Variants in SLC23A2 observed in about 807,000 individuals in gnomAD.
SLC23A2 encodes Na(+)/L-ascorbic acid transporter 2.
Under a neutral mutation model 73.3 loss-of-function variants are expected in SLC23A2, and 36 were observed. That is an observed-to-expected ratio of 0.49 (90% CI 0.38 to 0.65). The LOEUF is 0.65. SLC23A2 is among the 30% of genes least tolerant of loss of function. The probability of loss-of-function intolerance (pLI) is 0.00; values close to 1 mark genes in which losing one functional copy is unlikely to be tolerated. For missense variants in SLC23A2, 507 were observed against 841.6 expected, an observed-to-expected ratio of 0.60 and a Z score of 4.92; for synonymous variants, 343 against 327.3, an observed-to-expected ratio of 1.05 and a Z score of -0.52.
At chr20:4,869,665 A>T (rs1930360259) in intron 12 of SLC23A2, 1 of 462,842 alleles carries the variant, frequency 2.2e-6, no homozygotes, top group Non-Finnish European at 3.8e-6. Flanking sequence ...ACTGCAATTA[A>T]GGAAGGGTAG....
intron 2 of SLC23A2, among the ~76,000 whole-genome samples, chr20:4,939,488 C>G (rs548732193): frequency 6.6e-6 from 1 of 152,360 alleles, no homozygotes; most frequent in African/African-American, 2.4e-5. Flanking sequence ...CCTACAATTA[C>G]ATAGCGAGTT....
rs568864522 is a variant in SLC23A2, at chr20:4,990,701, GC to G, written c.-282+10704del. On this transcript the variant is annotated intron_variant, in intron 1 of 16. Transcript: ENST00000338244. ...TCTCTTATCTTATTATAAAAACAAG[GC>G]CGGGCACAGTGGCTCACGCCTGTAA... 1.2e-3 allele frequency among the ~76,000 whole-genome samples: 187 copies of G among 150,128 alleles called. 1 individual carries two copies. The highest frequency in any genetic ancestry group is 2.1e-3 in the Non-Finnish European group (141 of 67,532).
chr20:4,980,523 T>C (rs897357729), intron 1 of SLC23A2, among the ~76,000 whole-genome samples: 1 of 151,996 alleles, frequency 6.6e-6, no homozygotes, highest in African/African-American at 2.4e-5. Flanking sequence ...CACATTTTAC[T>C]TTCTTTTTCT....
chr20:4,945,234 TA>T (rs1391943771), intron 2 of SLC23A2, among the ~76,000 whole-genome samples: 2 of 149,986 alleles, frequency 1.3e-5, no homozygotes, highest in Admixed American at 6.7e-5. Context: ...TGACTGAATT[TA>T]AAAAAAAAAT....
At chr20:4,935,289 T>C (rs563299812) in intron 2 of SLC23A2, among the ~76,000 whole-genome samples, 2 of 150,674 alleles carry the variant, frequency 1.3e-5, no homozygotes, top group Non-Finnish European at 3.0e-5. Context: ...CAGTAAAAAC[T>C]GGAGGAAAAA....
At chr20:5,005,290 T>G (rs1327328619), upstream of SLC23A2, among the ~76,000 whole-genome samples, 2 of 152,018 alleles carry the variant, frequency 1.3e-5, no homozygotes. Flanking sequence ...TAATTATTTT[T>G]ACCATTATCA....
intron 2 of SLC23A2, among the ~76,000 whole-genome samples, chr20:4,960,579 TTAAG>T (rs913751066): frequency 5.3e-5 from 8 of 152,246 alleles, no homozygotes; most frequent in African/African-American, 9.6e-5. Context: ...TCCAGAGTGA[TTAAG>T]TAGGTTGTAG....
At position 4,874,636 on chromosome 20, in the gene SLC23A2, C is replaced by G; in HGVS notation, c.885G>C (p.Pro295=). ...TCCATCCTTTCTTGGATTTATAAAT[C>G]GGGAGAGGAAATTTAACATTTCTGG... ...QYARNVKFPL[P]IYKSKKGWTA... Residue 295 remains proline (P), a synonymous_variant, in exon 10 of 17, where the codon CCG becomes CCC. Coordinates refer to ENST00000338244, the MANE Select transcript of SLC23A2 (RefSeq NM_005116.6). 6.2e-7 allele frequency: 1 copy of G among 1,612,038 alleles called. No homozygotes were observed. Among genetic ancestry groups the G allele is most frequent in the Non-Finnish European group, 8.5e-7 (1 of 1,178,660 alleles).
chr20:5,006,403 G>T (rs1257427562), upstream of SLC23A2, among the ~76,000 whole-genome samples: 1 of 151,686 alleles, frequency 6.6e-6, no homozygotes, highest in East Asian at 2.0e-4. Context: ...CAGTCATATT[G>T]AGCATAATAT....
chr20:4,956,066 T>G (rs1417322496), intron 2 of SLC23A2, among the ~76,000 whole-genome samples: 1 of 152,220 alleles, frequency 6.6e-6, no homozygotes, highest in Admixed American at 6.5e-5. Flanking sequence ...AAATGCTAAA[T>G]ATGGACAAAT....
intron 15 of SLC23A2, among the ~76,000 whole-genome samples, chr20:4,860,201 T>C (rs1178517390): frequency 6.6e-6 from 1 of 152,214 alleles, no homozygotes; most frequent in Non-Finnish European, 1.5e-5. Flanking sequence ...GTTTGTGAAA[T>C]TGCCCATACA....
chr20:4,931,067 A>AG (rs1491267030), intron 3 of SLC23A2, among the ~76,000 whole-genome samples: 46 of 111,102 alleles, frequency 4.1e-4, no homozygotes, highest in African/African-American at 1.8e-3. Flanking sequence ...TATTTTTTTA[A>AG]GAAAAAAAAA....
chr20:4,908,963 G>A (rs1715387), intron 4 of SLC23A2, among the ~76,000 whole-genome samples: 1 of 152,132 alleles, frequency 6.6e-6, no homozygotes, highest in African/African-American at 2.4e-5. Flanking sequence ...ATAAAACAAA[G>A]AGAATGTCTT....
At chr20:4,934,735 C>T (rs947998955) in intron 2 of SLC23A2, among the ~76,000 whole-genome samples, 13 of 151,910 alleles carry the variant, frequency 8.6e-5, no homozygotes, top group Admixed American at 5.9e-4. Flanking sequence ...TGGTGGCAGG[C>T]GCCTGTAATC....
intron 13 of SLC23A2, among the ~76,000 whole-genome samples, chr20:4,865,291 T>C (rs984224452): frequency 3.3e-5 from 5 of 152,132 alleles, no homozygotes; most frequent in Admixed American, 1.3e-4. Context: ...GCCAGCGAGA[T>C]AGTACTTGCT....
Position 4,874,707 on chromosome 20 carries a change from A to G in SLC23A2, c.825-11T>C. 1 of 1,574,780 alleles carries G rather than the reference A, an allele frequency of 6.4e-7. No homozygotes were observed. Among genetic ancestry groups the G allele is most frequent in the Non-Finnish European group, 8.6e-7 (1 of 1,160,094 alleles). Reference sequence around the variant, plus strand: ...ACTAGGAATATTGTCCTGAGGAGAGAAAGAAAACAAACTAGGTCAAAAGCT... The same window carrying G: ...ACTAGGAATATTGTCCTGAGGAGAGGAAGAAAACAAACTAGGTCAAAAGCT... On this transcript the variant is annotated splice_polypyrimidine_tract_variant and intron_variant, in intron 9 of 16. Coordinates refer to ENST00000338244, the MANE Select transcript of SLC23A2 (RefSeq NM_005116.6).
upstream of SLC23A2, among the ~76,000 whole-genome samples, chr20:5,003,466 G>A (rs769142856): frequency 6.6e-6 from 1 of 151,168 alleles, no homozygotes; most frequent in Non-Finnish European, 1.5e-5. Context: ...GCATTGCCCC[G>A]TAACCATCAT....
intron 1 of SLC23A2, among the ~76,000 whole-genome samples, chr20:4,977,470 C>T (rs1406413313): frequency 6.6e-6 from 1 of 151,846 alleles, no homozygotes; most frequent in Non-Finnish European, 1.5e-5. Flanking sequence ...GGGCAGATCA[C>T]GAGGTCAGGA....
chr20:4,859,489 CAGGAA>C (rs1438822734), intron 15 of SLC23A2, 105 bp from the exon 16 acceptor site: 6 of 764,056 alleles, frequency 7.9e-6, no homozygotes, highest in African/African-American at 5.2e-5. Context: ...CCAATCAAAG[CAGGAA>C]AGGAAAGTGT....
Sources: allele counts gnomAD v4.1 joint callset (sites outside exome capture counted in the v4.1 genomes callset), GRCh38; gene constraint gnomAD v4.1.1; transcripts MANE v1.5; gene names NCBI Gene and HGNC (gene_info 2026-07-23, HGNC 2026-07-21).